GABRB3: variants seen among roughly 807,000 people sequenced by gnomAD.
GABRB3 encodes the protein gamma-aminobutyric acid receptor subunit beta-3.
A neutral mutation model predicts 52.1 loss-of-function variants in GABRB3; 14 were observed. The ratio of observed to expected loss-of-function variants is 0.27; its 90% CI spans 0.18 to 0.42. The LOEUF is 0.42. GABRB3 is among the 10% of genes least tolerant of loss of function. The pLI, the probability that GABRB3 is intolerant of heterozygous loss-of-function variation, is 1.00. For missense variants in GABRB3, 307 were observed against 609.1 expected, an observed-to-expected ratio of 0.50 and a Z score of 5.22; for synonymous variants, 260 against 232.3, an observed-to-expected ratio of 1.12 and a Z score of -1.08.
chr15:26,556,845 C>G (rs1889771222), intron 8 of GABRB3, among the ~76,000 whole-genome samples: 1 of 152,194 alleles, frequency 6.6e-6, no homozygotes, highest in South Asian at 2.1e-4. Flanking sequence ...CTTGAGATGC[C>G]TTACAGGACA....
intron 3 of GABRB3, among the ~76,000 whole-genome samples, chr15:26,763,662 A>G (rs1890885160): frequency 6.7e-6 from 1 of 149,540 alleles, no homozygotes; most frequent in Non-Finnish European, 1.5e-5. Flanking sequence ...GATGACCCAG[A>G]AAACTTGTTC....
Position 26,674,426 on chromosome 15 carries a change from A to AAAG in GABRB3, c.241-52893_241-52892insCTT, listed in dbSNP as rs1566800624. On this transcript the variant is annotated intron_variant, in intron 3 of 8. Transcript: ENST00000311550. ...AAAAAAAAAAAAAAAAAAAAAGAAA[A>AAAG]GAAAAGAAAGGAAAGGAAAGGAAAG... is the stretch of plus-strand genomic sequence containing the variant. Among the ~76,000 whole-genome samples the AAAG allele has an allele frequency of 6.4e-5, 6 of 93,204 alleles. No homozygotes were observed. The East Asian group carries it at 6.9e-4, about 11-fold the overall frequency. 61.1% of individuals were successfully genotyped at this position (93,204 alleles called of 152,430 possible). A position where few individuals can be genotyped will look rare whatever the true frequency, so the allele number is the denominator to read the frequency against.
In GABRB3 at chr15:26,764,073, C is replaced by A. The variant is rs535788485; in HGVS notation, c.240+8329G>T. ...GCTGAGGCAAGAGAATTGCTTGAAC[C>A]CGGGAGGCGGCGGTTGCAGTGAGCT... On this transcript the variant is annotated intron_variant, in intron 3 of 8. Coordinates refer to ENST00000311550, the MANE Select transcript of GABRB3 (RefSeq NM_000814.6). Among the ~76,000 whole-genome samples, 3 of 147,082 alleles carry A rather than the reference C, an allele frequency of 2.0e-5. No homozygotes were observed. The East Asian group carries it at 6.1e-4, about 30-fold the overall frequency.
Position 26,671,414 on chromosome 15 carries a change from C to T in GABRB3, c.241-49880G>A, listed in dbSNP as rs555183387. 6.6e-5 allele frequency among the ~76,000 whole-genome samples: 10 copies of T among 152,246 alleles called. No individual in the cohort carries two copies. In the South Asian group the frequency reaches 1.2e-3, roughly 19 times the overall value. On this transcript the variant is annotated intron_variant, in intron 3 of 8. Coordinates refer to ENST00000311550, the MANE Select transcript of GABRB3 (RefSeq NM_000814.6). ...GGCCTTAGTTGTACCACAGTTGTGCCGGAAGGACAAGAAGACCAGCTAAGA... is the reference window on the plus strand; with the variant it reads ...GGCCTTAGTTGTACCACAGTTGTGCTGGAAGGACAAGAAGACCAGCTAAGA...
intron 3 of GABRB3, among the ~76,000 whole-genome samples, chr15:26,734,946 G>A (rs1761545219): frequency 6.6e-6 from 1 of 152,084 alleles, no homozygotes; most frequent in African/African-American, 2.4e-5. Flanking sequence ...TATCAGTAGA[G>A]TAAACAGGCA....
rs1432928074 is a variant in GABRB3, at chr15:26,554,188, ATACT to A, written c.1081-6058_1081-6055del. On this transcript the variant is annotated intron_variant, in intron 8 of 8. Coordinates refer to ENST00000311550, the MANE Select transcript of GABRB3 (RefSeq NM_000814.6). ...ATATATATATAAAGTATATATATAT[ATACT>A]ATATATATATATATATAGTAGAAAC... Among the ~76,000 whole-genome samples the A allele has an allele frequency of 1.9e-4, 6 of 31,146 alleles. 1 individual carries two copies. The highest frequency in any genetic ancestry group is 2.9e-4 in the Non-Finnish European group (5 of 17,008). The allele number at this position is 31,146 out of a possible 152,430, so 20.4% of individuals were successfully genotyped here. A position where few individuals can be genotyped will look rare whatever the true frequency, so the allele number is the denominator to read the frequency against.
intron 4 of GABRB3, among the ~76,000 whole-genome samples, chr15:26,597,403 T>C (rs1819852818): frequency 1.3e-5 from 2 of 152,184 alleles, no homozygotes; most frequent in East Asian, 1.9e-4. Context: ...CCAAGTGGCA[T>C]ACAAGGAGTA....
chr15:26,733,003 G>GA (rs35917518), intron 3 of GABRB3, among the ~76,000 whole-genome samples: 11 of 146,742 alleles, frequency 7.5e-5, no homozygotes, highest in Non-Finnish European at 1.2e-4. Flanking sequence ...GTCTCTAATA[G>GA]AAAAAAAAAA....
At chr15:26,581,681 A>G (rs963992653) in intron 5 of GABRB3, among the ~76,000 whole-genome samples, 1 of 151,686 alleles carries the variant, frequency 6.6e-6, no homozygotes, top group Admixed American at 6.6e-5. Context: ...GCAGGGACAC[A>G]CCTCCAGATC....
intron 6 of GABRB3, among the ~76,000 whole-genome samples, chr15:26,569,946 C>T (rs1174119490): frequency 6.6e-6 from 1 of 152,172 alleles, no homozygotes; most frequent in Non-Finnish European, 1.5e-5. Flanking sequence ...TTTCTCATTT[C>T]TGTTTCCTCT....
intron 3 of GABRB3, among the ~76,000 whole-genome samples, chr15:26,759,207 A>G (rs549241171): frequency 1.1e-4 from 17 of 152,280 alleles, no homozygotes; most frequent in African/African-American, 4.1e-4. Context: ...TTATGTATAT[A>G]AAATTTTTTC....
intron 3 of GABRB3, among the ~76,000 whole-genome samples, chr15:26,705,329 G>T (rs1397749347): frequency 6.6e-6 from 1 of 152,104 alleles, no homozygotes; most frequent in African/African-American, 2.4e-5. Flanking sequence ...ACCTCTTAAA[G>T]GCTACACCTC....
rs1001294753 is a variant in GABRB3, at chr15:26,546,694, A to T, written c.*1099T>A. 2.6e-5 allele frequency: 4 copies of T among 152,572 alleles called. No individual in the cohort carries two copies. The highest frequency in any genetic ancestry group is 7.2e-5 in the African/African-American group (3 of 41,454). The allele number at this position is 152,572 out of a possible 1,614,324, so 9.5% of individuals were successfully genotyped here. A position where few individuals can be genotyped will look rare whatever the true frequency, so the allele number is the denominator to read the frequency against. ...AGATAACAGAAAGTAGTTACATCAC[A>T]TAAAGGAAAATATGACATCGCATGC... is the stretch of plus-strand genomic sequence containing the variant. On this transcript the variant is annotated 3_prime_UTR_variant, in exon 9 of 9. Coordinates refer to ENST00000311550, the MANE Select transcript of GABRB3 (RefSeq NM_000814.6).
intron 3 of GABRB3, among the ~76,000 whole-genome samples, chr15:26,713,187 G>A (rs541229036): frequency 2.0e-5 from 3 of 152,352 alleles, no homozygotes; most frequent in East Asian, 3.9e-4. Context: ...TCCTGAGAGC[G>A]GCTGAGGCAG....
intron 3 of GABRB3, among the ~76,000 whole-genome samples, chr15:26,769,593 CA>C (rs908642118): frequency 6.6e-5 from 10 of 152,204 alleles, no homozygotes; most frequent in African/African-American, 2.4e-4. Context: ...TGATCCTGCT[CA>C]TCCACCCATT....
At chr15:26,588,977 G>C (rs567748721) in intron 4 of GABRB3, among the ~76,000 whole-genome samples, 1 of 152,180 alleles carries the variant, frequency 6.6e-6, no homozygotes, top group Non-Finnish European at 1.5e-5. Context: ...TCTAGTAAGT[G>C]TAAAATCATA....
chr15:26,597,481 T>C (rs929038038), intron 4 of GABRB3, among the ~76,000 whole-genome samples: 7 of 152,190 alleles, frequency 4.6e-5, no homozygotes, highest in African/African-American at 1.7e-4. Flanking sequence ...TGAATAGGAA[T>C]TGGCCTTTCA....
chr15:26,659,042 C>T (rs1324107189), intron 3 of GABRB3, among the ~76,000 whole-genome samples: 1 of 152,160 alleles, frequency 6.6e-6, no homozygotes, highest in African/African-American at 2.4e-5. Context: ...GCTGCATCCA[C>T]TCTATTTTGC....
At chr15:26,624,091 G>T in intron 3 of GABRB3, 1 of 573,562 alleles carries the variant, frequency 1.7e-6, no homozygotes, top group Non-Finnish European at 2.2e-6. Flanking sequence ...GGAGTGGACA[G>T]TGCTGAGTGG....
Sources: gnomAD v4.1 joint callset for allele counts (sites outside exome capture counted in the v4.1 genomes callset) on GRCh38, gnomAD v4.1.1 for gene constraint, MANE v1.5 for transcripts, NCBI Gene and HGNC (gene_info 2026-07-23, HGNC 2026-07-21) for gene names.